The following KIZ variants were observed in gnomAD, a reference collection of about 807,000 sequenced individuals.
The protein encoded by KIZ is centrosomal protein kizuna.
Under a neutral mutation model 79.6 loss-of-function variants are expected in KIZ, and 68 were observed. The ratio of observed to expected loss-of-function variants is 0.85; its 90% CI spans 0.70 to 1.05. The LOEUF (loss-of-function observed/expected upper bound fraction) is 1.05. KIZ is among the 50% of genes least tolerant of loss of function. The probability of loss-of-function intolerance (pLI) is 0.00; values close to 1 mark genes in which losing one functional copy is unlikely to be tolerated. For synonymous variants in KIZ, 280 were observed against 281.8 expected (o/e 0.99, Z 0.06); for missense variants, 797 against 800.4 (o/e 1.00, Z 0.05).
intron 7 of KIZ, among the ~76,000 whole-genome samples, chr20:21,210,383 T>G (rs911826003): frequency 1.3e-5 from 2 of 151,390 alleles, no homozygotes; most frequent in Middle Eastern, 3.4e-3. Flanking sequence ...ATAACCTTGT[T>G]TTTTTTTTAC....
intron 6 of KIZ, chr20:21,166,337 T>G: frequency 6.2e-7 from 1 of 1,605,156 alleles, no homozygotes; most frequent in East Asian, 2.2e-5. Flanking sequence ...TCTGCCATTT[T>G]TCCAGGTCTT....
chr20:21,228,698 G>A (rs146782402), intron 9 of KIZ, among the ~76,000 whole-genome samples: 42 of 152,182 alleles, frequency 2.8e-4, no homozygotes, highest in East Asian at 1.5e-3. Flanking sequence ...GTTCATTCCC[G>A]TAGCTGTCTC....
chr20:21,163,366 CA>C (rs1490366076), intron 6 of KIZ, among the ~76,000 whole-genome samples: 1 of 152,072 alleles, frequency 6.6e-6, no homozygotes, highest in East Asian at 1.9e-4. Context: ...CTTTCTTTGA[CA>C]AAAAAACTTT....
chr20:21,201,286 A>G (rs2123136706), intron 6 of KIZ, among the ~76,000 whole-genome samples: 1 of 152,362 alleles, frequency 6.6e-6, no homozygotes, highest in South Asian at 2.1e-4. Context: ...CATGTGATTT[A>G]GAGAAATTGA....
chr20:21,240,281 T>C (rs373792701), intron 11 of KIZ, among the ~76,000 whole-genome samples: 66 of 152,208 alleles, frequency 4.3e-4, no homozygotes, highest in African/African-American at 1.5e-3. Context: ...CATAGCACCA[T>C]GCCTGGCTAA....
chr20:21,217,936 G>A (rs1008342878), intron 9 of KIZ, among the ~76,000 whole-genome samples: 1 of 152,104 alleles, frequency 6.6e-6, no homozygotes, highest in African/African-American at 2.4e-5. Context: ...ATTGTGAGAC[G>A]AGCCCCTGGA....
intron 10 of KIZ, among the ~76,000 whole-genome samples, chr20:21,231,764 T>C (rs970220324): frequency 6.6e-6 from 1 of 152,138 alleles, no homozygotes; most frequent in Admixed American, 6.6e-5. Context: ...TGGGAGGTGG[T>C]GGTGTACTCT....
intron 6 of KIZ, among the ~76,000 whole-genome samples, chr20:21,172,975 A>G (rs376831448): frequency 3.3e-5 from 5 of 152,236 alleles, no homozygotes; most frequent in Admixed American, 2.6e-4. Context: ...TGGAACAGCA[A>G]AGTGGCTGGT....
intron 7 of KIZ, among the ~76,000 whole-genome samples, chr20:21,212,505 T>C (rs1044049613): frequency 1.3e-5 from 2 of 152,272 alleles, no homozygotes; most frequent in Non-Finnish European, 2.9e-5. Flanking sequence ...GTAAGTGTTC[T>C]GAGCAGTTTA....
intron 4 of KIZ, among the ~76,000 whole-genome samples, chr20:21,158,168 A>T (rs2033474834): frequency 6.6e-6 from 1 of 152,250 alleles, no homozygotes; most frequent in Admixed American, 6.5e-5. Flanking sequence ...ATATCAGTGT[A>T]ATATATATCA....
chr20:21,198,229 ATTTTTTGTAT>A (rs2035436579), intron 6 of KIZ: 1 of 152,026 alleles, frequency 6.6e-6, no homozygotes, highest in East Asian at 1.9e-4. Flanking sequence ...TGCCCAGCTA[ATTTTTTGTAT>A]TTTTAGTAGA....
At chr20:21,139,723 T>G (rs1419286047) in intron 3 of KIZ, among the ~76,000 whole-genome samples, 1 of 152,194 alleles carries the variant, frequency 6.6e-6, no homozygotes, top group African/African-American at 2.4e-5. Flanking sequence ...AAATAGGATA[T>G]GTTATTAAAA....
chr20:21,134,771 A>G (rs918416965), intron 2 of KIZ, among the ~76,000 whole-genome samples: 6 of 150,332 alleles, frequency 4.0e-5, no homozygotes, highest in African/African-American at 7.4e-5. Flanking sequence ...GGTTCAAGCA[A>G]TTCTCCTGCC....
intron 11 of KIZ, among the ~76,000 whole-genome samples, chr20:21,233,326 A>G (rs1438014849): frequency 2.0e-5 from 3 of 152,286 alleles, no homozygotes; most frequent in South Asian, 4.1e-4. Flanking sequence ...TATTTTCCAT[A>G]AAGAACAAAA....
At chr20:21,218,749 G>C (rs917472788) in intron 9 of KIZ, among the ~76,000 whole-genome samples, 2 of 152,192 alleles carry the variant, frequency 1.3e-5, no homozygotes, top group African/African-American at 2.4e-5. Context: ...GTGGGCACCA[G>C]TTTCCTCAAT....
intron 9 of KIZ, chr20:21,218,533 A>G (rs1480491852): frequency 6.6e-6 from 1 of 152,220 alleles, no homozygotes; most frequent in Non-Finnish European, 1.5e-5. Context: ...AGTATGCATA[A>G]TGCATAGAAG....
At chr20:21,208,407 T>G (rs1263735387) in intron 7 of KIZ, among the ~76,000 whole-genome samples, 1 of 152,194 alleles carries the variant, frequency 6.6e-6, no homozygotes, top group African/African-American at 2.4e-5. Context: ...AAATCTATCC[T>G]TAAAAATGGA....
At position 21,152,783 on chromosome 20, in the gene KIZ, CTT is replaced by C. The variant is rs142072196; in HGVS notation, c.405+7130_405+7131del. Reference sequence around the variant, plus strand: ...CACTATTTTGGAATGCCGAATTTCTCTTGAAGCTCATACCTGCTTTTCTCTTA... The same window carrying C: ...CACTATTTTGGAATGCCGAATTTCTCGAAGCTCATACCTGCTTTTCTCTTA... On this transcript the variant is annotated intron_variant, in intron 4 of 12. Transcript: ENST00000619189. 1.3e-3 allele frequency among the ~76,000 whole-genome samples: 200 copies of C among 152,330 alleles called. 7 individuals carry two copies. The East Asian group carries it at 0.031, about 24-fold the overall frequency.
intron 3 of KIZ, among the ~76,000 whole-genome samples, chr20:21,139,474 CATT>C (rs901217508): frequency 6.6e-6 from 1 of 152,058 alleles, no homozygotes; most frequent in African/African-American, 2.4e-5. Context: ...AAAAAGTTGT[CATT>C]ATCAATGTTG....
Sources: allele counts gnomAD v4.1 joint callset (sites outside exome capture counted in the v4.1 genomes callset), GRCh38; gene constraint gnomAD v4.1.1; transcripts MANE v1.5; gene names NCBI Gene and HGNC (gene_info 2026-07-23, HGNC 2026-07-21).